Variants in ANKRD44 observed in about 807,000 individuals in gnomAD.
The protein encoded by ANKRD44 is ankyrin repeat domain 44, also known as serine/threonine-protein phosphatase 6 regulatory ankyrin repeat subunit B.
A neutral mutation model predicts 116.0 loss-of-function variants in ANKRD44; 35 were observed. The observed-to-expected ratio is 0.30, with a 90% CI of 0.23 to 0.40. The LOEUF (loss-of-function observed/expected upper bound fraction) is 0.40, where lower values mean the gene tolerates loss of function less well. Ranked by LOEUF, ANKRD44 falls within the 10% of genes least tolerant of loss-of-function variation. ANKRD44 has a pLI of 1.00. For synonymous variants in ANKRD44, 435 were observed against 461.8 expected, an observed-to-expected ratio of 0.94 and a Z score of 0.74; for missense variants, 1,014 against 1,242.6, an observed-to-expected ratio of 0.82 and a Z score of 2.77.
intron 4 of ANKRD44, among the ~76,000 whole-genome samples, chr2:197,131,507 A>ATTATT (rs2079096180): frequency 6.6e-6 from 1 of 152,196 alleles, no homozygotes; most frequent in Admixed American, 6.5e-5. Context: ...AGTACTTAAT[A>ATTATT]AACACTCGTA....
At chr2:197,033,027 G>A (rs189237162) in intron 16 of ANKRD44, among the ~76,000 whole-genome samples, 1,955 of 151,856 alleles carry the variant, frequency 0.013, 128 homozygotes, top group Admixed American at 0.1. Context: ...TCTAGTGGAC[G>A]GCTGGATATA....
intron 16 of ANKRD44, among the ~76,000 whole-genome samples, chr2:197,040,455 C>T (rs2076890538): frequency 7.1e-6 from 1 of 141,332 alleles, no homozygotes; most frequent in East Asian, 2.2e-4. Context: ...CAGCTCACTG[C>T]AACTTCCGCT....
intron 1 of ANKRD44, among the ~76,000 whole-genome samples, chr2:197,265,852 G>A (rs1234992804): frequency 6.6e-6 from 1 of 151,976 alleles, no homozygotes; most frequent in Non-Finnish European, 1.5e-5. Flanking sequence ...CAACCCTTTG[G>A]CTTTATTAGC....
chr2:197,010,971 G>A (rs758302990), intron 18 of ANKRD44, among the ~76,000 whole-genome samples: 2 of 152,186 alleles, frequency 1.3e-5, no homozygotes, highest in Non-Finnish European at 2.9e-5. Context: ...TGAACTACAG[G>A]AATAATGTGC....
intron 9 of ANKRD44, among the ~76,000 whole-genome samples, chr2:197,107,306 G>T (rs1427100251): frequency 6.6e-6 from 1 of 152,188 alleles, no homozygotes; most frequent in Admixed American, 6.5e-5. Context: ...CTTCTGTGAA[G>T]AAAACATCAT....
chr2:197,015,959 A>G (rs76468065), intron 17 of ANKRD44: 34,075 of 541,568 alleles, frequency 0.063, 1,449 homozygotes, highest in African/African-American at 0.16. Context: ...GACAGTCCCT[A>G]TGGTGGTGGT....
chr2:197,218,871 T>C (rs549939843), intron 1 of ANKRD44, among the ~76,000 whole-genome samples: 74 of 146,802 alleles, frequency 5.0e-4, no homozygotes, highest in Non-Finnish European at 8.7e-4. Context: ...GCAATTCTCC[T>C]GCCTCAGCCT....
intron 4 of ANKRD44, among the ~76,000 whole-genome samples, chr2:197,133,045 A>G (rs532571368): frequency 6.6e-6 from 1 of 152,358 alleles, no homozygotes; most frequent in African/African-American, 2.4e-5. Flanking sequence ...TTTGGAAGGC[A>G]TAAGTGAAAC....
intron 21 of ANKRD44, among the ~76,000 whole-genome samples, chr2:196,969,079 A>G (rs2075696097): frequency 6.6e-6 from 1 of 152,336 alleles, no homozygotes; most frequent in East Asian, 1.9e-4. Context: ...GGTACTGAAG[A>G]AATATGTGTG....
intron 2 of ANKRD44, among the ~76,000 whole-genome samples, chr2:197,175,188 T>G (rs1017403628): frequency 6.6e-6 from 1 of 152,222 alleles, no homozygotes; most frequent in African/African-American, 2.4e-5. Context: ...AGCCTGTGAC[T>G]GGAGGTCCTA....
In ANKRD44 at chr2:197,025,174, C is replaced by A. The variant is rs751756754; in HGVS notation, c.1722+22G>T. The stretch of plus-strand genomic sequence containing the variant: ...TAGGTTGTTTTTGTAACAGGTGAAG[C>A]TGCTCATGGCATCTCACTTACAGCT... On this transcript the variant is annotated intron_variant, in intron 17 of 27. Transcript: ENST00000282272. The A allele has an allele frequency of 2.5e-6, 4 of 1,600,412 alleles. No individual in the cohort carries two copies. The South Asian group carries it at 3.3e-5, about 13-fold the overall frequency.
At chr2:197,228,327 G>A (rs1285727391) in intron 1 of ANKRD44, among the ~76,000 whole-genome samples, 1 of 152,214 alleles carries the variant, frequency 6.6e-6, no homozygotes, top group Non-Finnish European at 1.5e-5. Context: ...TTTTAAAGCA[G>A]TGACAAATAG....
intron 17 of ANKRD44, among the ~76,000 whole-genome samples, chr2:197,019,925 T>C (rs755046111): frequency 3.3e-5 from 5 of 151,974 alleles, no homozygotes; most frequent in African/African-American, 1.2e-4. Flanking sequence ...GCCTCCCCAG[T>C]AGATGAGATT....
intron 3 of ANKRD44, among the ~76,000 whole-genome samples, chr2:197,138,644 C>G (rs1207518073): frequency 6.6e-6 from 1 of 152,194 alleles, no homozygotes; most frequent in Admixed American, 6.5e-5. Context: ...GCCTTTACGT[C>G]AGGACTTTTC....
Position 196,989,328 on chromosome 2 carries a change from T to C in ANKRD44, c.*263A>G, listed in dbSNP as rs374412089. 59 of 1,031,508 alleles carry C rather than the reference T, an allele frequency of 5.7e-5. No individual in the cohort carries two copies. In the East Asian group the frequency reaches 2.4e-3, roughly 41 times the overall value. 63.9% of individuals were successfully genotyped at this position (1,031,508 alleles called of 1,614,324 possible). A position where few individuals can be genotyped will look rare whatever the true frequency, so the allele number is the denominator to read the frequency against. On this transcript the variant is annotated 3_prime_UTR_variant, in exon 28 of 28. Coordinates refer to ENST00000282272, the MANE Select transcript of ANKRD44 (RefSeq NM_001195144.2). ...ATCATCAGTTACAAATGTTAAGTGGTCAACTAGAAATCTGTGTCCTAAGAA... is the reference window on the plus strand; with the variant it reads ...ATCATCAGTTACAAATGTTAAGTGGCCAACTAGAAATCTGTGTCCTAAGAA...
chr2:197,181,994 C>T (rs1158267309), intron 2 of ANKRD44, among the ~76,000 whole-genome samples: 2 of 152,176 alleles, frequency 1.3e-5, no homozygotes, highest in Admixed American at 6.5e-5. Flanking sequence ...CACTGACAGG[C>T]GTCACTTTGT....
At chr2:197,024,459 G>T (rs961304743) in intron 17 of ANKRD44, among the ~76,000 whole-genome samples, 1 of 152,170 alleles carries the variant, frequency 6.6e-6, no homozygotes, top group Non-Finnish European at 1.5e-5. Flanking sequence ...GGGTTCCTAG[G>T]GAGCAGCTGC....
chr2:197,107,582 G>A (rs1271083307), intron 9 of ANKRD44, among the ~76,000 whole-genome samples: 1 of 152,114 alleles, frequency 6.6e-6, no homozygotes, highest in Non-Finnish European at 1.5e-5. Context: ...ATGAAAACTA[G>A]TAATCCTGAC....
intron 2 of ANKRD44, among the ~76,000 whole-genome samples, chr2:197,147,692 C>T (rs568246455): frequency 3.2e-4 from 48 of 151,930 alleles, no homozygotes; most frequent in Admixed American, 2.4e-3. Flanking sequence ...TGGTCCCTGC[C>T]CTCATGAAAC....
Sources: gnomAD v4.1 joint callset for allele counts (sites outside exome capture counted in the v4.1 genomes callset) on GRCh38, gnomAD v4.1.1 for gene constraint, MANE v1.5 for transcripts, NCBI Gene and HGNC (gene_info 2026-07-23, HGNC 2026-07-21) for gene names.